Variants in PTCH1 observed in about 807,000 individuals in gnomAD.
PTCH1 encodes patched 1.
PTCH1 carries 14 observed loss-of-function variants against 144.6 expected under a neutral mutation model. The ratio of observed to expected loss-of-function variants is 0.10; its 90% CI spans 0.06 to 0.15. The LOEUF (loss-of-function observed/expected upper bound fraction) is 0.15. PTCH1 is among the 10% of genes least tolerant of loss of function. PTCH1 has a pLI of 1.00. For synonymous variants in PTCH1, 833 were observed against 793.6 expected (o/e 1.05, Z -0.83); for missense variants, 1,623 against 1,948.3 (o/e 0.83, Z 3.14).
chr9:95,494,460 C>T (rs1842659463), intron 2 of PTCH1: 1 of 985,304 alleles, frequency 1.0e-6, no homozygotes, highest in Non-Finnish European at 1.2e-6. Flanking sequence ...TGAGACAGGC[C>T]CAAGAACGTT....
intron 22 of PTCH1, 42 bp from the exon 23 acceptor site, chr9:95,447,493 C>A: frequency 1.3e-6 from 2 of 1,505,072 alleles, no homozygotes. Context: ...GTATCCCAGG[C>A]TGGGCATGGT....
At chr9:95,514,814 C>T (rs1488168753) in intron 1 of PTCH1, among the ~76,000 whole-genome samples, 2 of 152,158 alleles carry the variant, frequency 1.3e-5, no homozygotes, top group Admixed American at 6.5e-5. Flanking sequence ...CAAATAGCTT[C>T]AAAGATTATG....
intron 1 of PTCH1, chr9:95,507,465 G>A: frequency 1.0e-6 from 1 of 981,536 alleles, no homozygotes; most frequent in Non-Finnish European, 1.2e-6. Flanking sequence ...AATGAACCCG[G>A]CAGCTCCGCA....
chr9:95,458,099 G>C lies in PTCH1; in HGVS notation c.3082C>G (p.Leu1028Val). 6.2e-7 allele frequency: 1 copy of C among 1,614,254 alleles called. No individual in the cohort carries two copies. The highest frequency in any genetic ancestry group is 1.1e-5 in the South Asian group (1 of 91,086). ...WEQYIGLRHW[L>V]LLFISVVLAC... ...AACACCACGCTGATGAACAGCAGCAGCCAGTGGCGGAGGCCGATGTACTGC... is the reference window on the plus strand; with the variant it reads ...AACACCACGCTGATGAACAGCAGCACCCAGTGGCGGAGGCCGATGTACTGC... The change falls in exon 18 of 24, where the codon CTG becomes GTG. Residue 1028 changes from leucine to valine, a missense_variant. Leu to Val is a conservative substitution (Grantham distance 32). Around this residue, in one of 7 missense-constraint regions of PTCH1, gnomAD observed 504 missense variants for 679.3 expected, o/e 0.74. Coordinates refer to ENST00000331920, the MANE Select transcript of PTCH1 (RefSeq NM_000264.5). This position sits in a 1 kb window ranked among gnomAD's most constrained non-coding sequence, Gnocchi z 4.7.
chr9:95,482,588 T>C (rs1309684132), intron 3 of PTCH1: 1 of 324,016 alleles, frequency 3.1e-6, no homozygotes, highest in Non-Finnish European at 5.8e-6. Context: ...TTGCAAAGTA[T>C]TGACACATAC....
rs1564031347 is a variant in PTCH1, at chr9:95,467,466, CACT to C, written c.2251-44_2251-42del. 3 of 1,594,216 alleles carry C rather than the reference CACT, an allele frequency of 1.9e-6. No homozygotes were observed. The Admixed American group carries it at 5.1e-5, about 27-fold the overall frequency. On this transcript the variant is annotated intron_variant, in intron 14 of 23. Coordinates refer to ENST00000331920, the MANE Select transcript of PTCH1 (RefSeq NM_000264.5). ...CACAAGGTCAGACCCCAGGGAGCACCACTGACTCTTCCTGGACAAAGAGAAGCT... is the reference window on the plus strand; with the variant it reads ...CACAAGGTCAGACCCCAGGGAGCACCGACTCTTCCTGGACAAAGAGAAGCT...
At position 95,462,089 on chromosome 9, in the gene PTCH1, AG is replaced by A. The variant is rs45473991; in HGVS notation, c.2561-92del. 3.6e-3 allele frequency: 5,255 copies of A among 1,468,152 alleles called. 19 individuals carry two copies. The highest frequency in any genetic ancestry group is 4.3e-3 in the Non-Finnish European group (4,559 of 1,048,902). The allele number at this position is 1,468,152 out of a possible 1,614,324, so 90.9% of individuals were successfully genotyped here. On this transcript the variant is annotated intron_variant, in intron 15 of 23. Coordinates refer to ENST00000331920, the MANE Select transcript of PTCH1 (RefSeq NM_000264.5). Reference sequence around the variant, plus strand: ...GTGGGCTGAGGAGACTGAGCAGGGCAGGGGGCTCTTAGACGTCCATCAGAAA... The same window carrying A: ...GTGGGCTGAGGAGACTGAGCAGGGCAGGGGCTCTTAGACGTCCATCAGAAA...
chr9:95,467,394 A>T lies in PTCH1; in HGVS notation c.2282T>A (p.Leu761Gln). ...VVVIFLFLGL[L>Q]GVSLYGTTRV... Reference sequence around the variant, plus strand: ...GGTGGTGCCATAAAGGCTGACCCCCAGCAAGCCCAGAAAAAGGAAGATCAC... The same window carrying T: ...GGTGGTGCCATAAAGGCTGACCCCCTGCAAGCCCAGAAAAAGGAAGATCAC... Residue 761 changes from leucine (L) to glutamine (Q), a missense_variant, in exon 15 of 24, where the codon CTG becomes CAG. Coordinates refer to ENST00000331920, the MANE Select transcript of PTCH1 (RefSeq NM_000264.5). 1 of 1,614,200 alleles carries T rather than the reference A, an allele frequency of 6.2e-7. No homozygotes were observed. Among genetic ancestry groups the T allele is most frequent in the Non-Finnish European group, 8.5e-7 (1 of 1,180,038 alleles).
intron 20 of PTCH1, chr9:95,452,599 C>G (rs918446617): frequency 1.3e-5 from 2 of 152,148 alleles, no homozygotes; most frequent in Admixed American, 1.3e-4. Flanking sequence ...ACTCACTGTT[C>G]TTTTATATTT....
At chr9:95,493,968 G>C (rs1282541925) in intron 2 of PTCH1, among the ~76,000 whole-genome samples, 2 of 152,226 alleles carry the variant, frequency 1.3e-5, no homozygotes. Flanking sequence ...GTTGCCATGG[G>C]AAAAACGCTA....
In PTCH1 at chr9:95,458,284, G is replaced by A. The variant is rs1381484167; in HGVS notation, c.2897C>T (p.Ala966Val). The A allele has an allele frequency of 6.2e-7, 1 of 1,613,854 alleles. No homozygotes were observed. Among genetic ancestry groups the A allele is most frequent in the South Asian group, 1.1e-5 (1 of 91,040 alleles). ...GAACTGGGCATACTCGATGGGCTCTGCTGCCGGGACTGGACAGAGAAGGGC... is the reference window on the plus strand; with the variant it reads ...GAACTGGGCATACTCGATGGGCTCTACTGCCGGGACTGGACAGAGAAGGGC... The part of the protein sequence containing the change: ...MPETRLRIPA[A>V]EPIEYAQFPF... Residue 966 changes from alanine to valine, a missense_variant, in exon 18 of 24, where the codon GCA becomes GTA. By Grantham distance (64) the Ala-to-Val change is moderately conservative. Coordinates refer to ENST00000331920, the MANE Select transcript of PTCH1 (RefSeq NM_000264.5). The surrounding 1 kb of genome is among the most constrained non-coding windows in gnomAD (Gnocchi z 4.7).
At chr9:95,462,690 A>G (rs1839604477) in intron 15 of PTCH1, among the ~76,000 whole-genome samples, 1 of 152,112 alleles carries the variant, frequency 6.6e-6, no homozygotes, top group Non-Finnish European at 1.5e-5. Context: ...CACAGGGTAA[A>G]TTTGGATCCG....
intron 2 of PTCH1, among the ~76,000 whole-genome samples, chr9:95,505,320 T>C (rs1843487213): frequency 6.6e-6 from 1 of 152,184 alleles, no homozygotes; most frequent in Non-Finnish European, 1.5e-5. Context: ...ATCTACCTAG[T>C]CACCTCTACC....
chr9:95,509,361 G>A (rs1844020030), upstream of PTCH1, among the ~76,000 whole-genome samples: 1 of 152,178 alleles, frequency 6.6e-6, no homozygotes, highest in Non-Finnish European at 1.5e-5. Context: ...ATTGGCTCGC[G>A]GAGGGCAGAA....
chr9:95,506,593 C>T lies in PTCH1; in HGVS notation c.208G>A (p.Ala70Thr), dbSNP rs753960393. Residue 70 changes from alanine (A) to threonine (T), a missense_variant, in exon 2 of 24, where the codon GCT becomes ACT. By Grantham distance (58) the Ala-to-Thr change is moderately conservative. This residue lies in a region of PTCH1 where 245 missense variants were observed against 240.6 expected (regional missense o/e 1.02). Transcript: ENST00000331920. ...CACAGCGGCGCTTTCCGGCCAGTAG[C>T]CTTCCCCTGGGGACGAAGCAGAAGG... ...FALEQISKGK[A>T]TGRKAPLWLR... 14 of 1,611,616 alleles carry T rather than the reference C, an allele frequency of 8.7e-6. No individual in the cohort carries two copies. The highest frequency in any genetic ancestry group is 1.7e-5 in the Admixed American group (1 of 59,770).
At chr9:95,481,224 C>T (rs1182816228) in intron 5 of PTCH1, among the ~76,000 whole-genome samples, 6 of 152,178 alleles carry the variant, frequency 3.9e-5, no homozygotes, top group South Asian at 4.1e-4. Flanking sequence ...AGTCATTATT[C>T]GGAATCTCCC....
intron 16 of PTCH1, among the ~76,000 whole-genome samples, chr9:95,460,920 C>T (rs959969909): frequency 6.6e-6 from 1 of 152,182 alleles, no homozygotes; most frequent in African/African-American, 2.4e-5. Flanking sequence ...GCTGTGAGCT[C>T]AGAGTTTCAC....
At chr9:95,500,122 A>T (rs1465175885) in intron 2 of PTCH1, among the ~76,000 whole-genome samples, 1 of 152,130 alleles carries the variant, frequency 6.6e-6, no homozygotes. Flanking sequence ...TGTGGTGCAT[A>T]ATCTAAACAC....
intron 15 of PTCH1, among the ~76,000 whole-genome samples, chr9:95,466,018 A>G (rs2117910420): frequency 6.6e-6 from 1 of 152,254 alleles, no homozygotes; most frequent in East Asian, 1.9e-4. Flanking sequence ...AACATTTCTA[A>G]GAGTGAAGAA....
Sources: gnomAD v4.1 joint callset for allele counts (sites outside exome capture counted in the v4.1 genomes callset) on GRCh38, gnomAD v4.1.1 for gene constraint, gnomAD v4.1.1 regional missense constraint, Gnocchi (gnomAD v3.1) non-coding constraint, MANE v1.5 for transcripts, NCBI Gene and HGNC (gene_info 2026-07-23, HGNC 2026-07-21) for gene names.